PLEKHA8: variants seen among roughly 807,000 people sequenced by gnomAD.
The protein encoded by PLEKHA8 is pleckstrin homology domain-containing family A member 8.
In PLEKHA8, 36 loss-of-function variants were observed where a neutral mutation model predicts 68.2. The ratio of observed to expected loss-of-function variants is 0.53; its 90% CI spans 0.40 to 0.70. The LOEUF is 0.70. Among genes scored for constraint, PLEKHA8 ranks in the 30% least tolerant of loss-of-function variants. The pLI is 0.00. For synonymous variants in PLEKHA8, 211 were observed against 216.1 expected (o/e 0.98, Z 0.20); for missense variants, 505 against 615.4 (o/e 0.82, Z 1.90).
exon 13 of PLEKHA8, chr7:30,090,276 TC>T (rs1795362362): frequency 2.1e-6 from 3 of 1,402,974 alleles, no homozygotes; most frequent in Non-Finnish European, 2.9e-6. Flanking sequence ...ACCTCAAACT[TC>T]CTTTCCACAA....
downstream of PLEKHA8, among the ~76,000 whole-genome samples, chr7:30,095,593 A>C (rs997324612): frequency 1.8e-4 from 27 of 152,318 alleles, no homozygotes; most frequent in African/African-American, 5.1e-4. Context: ...ACATGAAGTC[A>C]TGGCCCATGC....
chr7:30,082,323 C>T lies in PLEKHA8; in HGVS notation c.*3536C>T. The T allele has an allele frequency of 1.0e-6, 1 of 985,534 alleles. No homozygotes were observed. Among genetic ancestry groups the T allele is most frequent in the Non-Finnish European group, 1.2e-6 (1 of 830,034 alleles). 61.0% of individuals were successfully genotyped at this position (985,534 alleles called of 1,614,324 possible). A position where few individuals can be genotyped will look rare whatever the true frequency, so the allele number is the denominator to read the frequency against. ...TACCGCCATCAGCACACCAAATCTA[C>T]CCCCACTTATGTTTGTTCTGCCCCA... On this transcript the variant is annotated 3_prime_UTR_variant, in exon 14 of 14. Coordinates refer to ENST00000449726, the MANE Select transcript of PLEKHA8 (RefSeq NM_001197026.2).
downstream of PLEKHA8, among the ~76,000 whole-genome samples, chr7:30,087,600 CCTG>C (rs1203082860): frequency 3.3e-5 from 5 of 152,200 alleles, no homozygotes; most frequent in Admixed American, 3.3e-4. Flanking sequence ...GTCAGCAAGG[CCTG>C]CCTCAGCCTC....
At chr7:30,101,383 G>A (rs1795847518) in intron 13 of PLEKHA8, among the ~76,000 whole-genome samples, 1 of 152,128 alleles carries the variant, frequency 6.6e-6, no homozygotes, top group African/African-American at 2.4e-5. Context: ...CAGTTGTGGT[G>A]GCTGGGAAGT....
intron 13 of PLEKHA8, chr7:30,117,833 T>C (rs1796615250): frequency 9.9e-6 from 5 of 507,018 alleles, no homozygotes; most frequent in Admixed American, 4.0e-5. Flanking sequence ...ACAAAGCTTA[T>C]GTTGCCAACA....
rs1056351609 is a variant in PLEKHA8, at chr7:30,084,480, C to A, written c.*5693C>A. On this transcript the variant is annotated 3_prime_UTR_variant, in exon 14 of 14. Transcript: ENST00000449726. ...TATGTTGGAGCCTCTTGGGACCAAC[C>A]GATGAGCGACAGTTTCATGTTTAGA... is the stretch of plus-strand genomic sequence containing the variant. 1.0e-6 allele frequency: 1 copy of A among 985,000 alleles called. No individual in the cohort carries two copies. The highest frequency in any genetic ancestry group is 6.2e-5 in the Admixed American group (1 of 16,240). 61.0% of individuals were successfully genotyped at this position (985,000 alleles called of 1,614,324 possible). A position where few individuals can be genotyped will look rare whatever the true frequency, so the allele number is the denominator to read the frequency against.
rs1792717202 is a variant in PLEKHA8 at position 30,054,927 on chromosome 7, T to C, written c.953+62T>C. On this transcript the variant is annotated intron_variant, in intron 8 of 13. Coordinates refer to ENST00000449726, the MANE Select transcript of PLEKHA8 (RefSeq NM_001197026.2). The stretch of plus-strand genomic sequence containing the variant: ...ACTAACTTCCATTCTGGAAAATCAG[T>C]CATGGTGTTCCTTTCAGGTGATGGC... 2.1e-6 allele frequency: 3 copies of C among 1,457,362 alleles called. No individual in the cohort carries two copies. The Admixed American group carries it at 5.9e-5, about 29-fold the overall frequency. 90.3% of individuals were successfully genotyped at this position (1,457,362 alleles called of 1,614,324 possible).
chr7:30,080,942 G>C lies in PLEKHA8; in HGVS notation c.*2155G>C. 2.0e-6 allele frequency: 2 copies of C among 985,384 alleles called. No homozygotes were observed. The highest frequency in any genetic ancestry group is 2.4e-6 in the Non-Finnish European group (2 of 829,908). 61.0% of individuals were successfully genotyped at this position (985,384 alleles called of 1,614,324 possible). ...CAGGTGGTTGTTAGAATTGTGCAGT[G>C]TGATCATTCTAAACAGCTGCTGGTG... On this transcript the variant is annotated 3_prime_UTR_variant, in exon 14 of 14. Coordinates refer to ENST00000449726, the MANE Select transcript of PLEKHA8 (RefSeq NM_001197026.2).
At chr7:30,049,438 T>C in intron 5 of PLEKHA8, 56 bp downstream of exon 5, 2 of 1,583,822 alleles carry the variant, frequency 1.3e-6, no homozygotes, top group Non-Finnish European at 1.7e-6. Flanking sequence ...TTTCAAAGTT[T>C]ATAGTGAGTT....
chr7:30,066,423 C>A (rs1370690254), intron 12 of PLEKHA8, among the ~76,000 whole-genome samples: 2 of 152,178 alleles, frequency 1.3e-5, no homozygotes, highest in Non-Finnish European at 2.9e-5. Context: ...CTTTACACTG[C>A]CCCTTTTTGC....
chr7:30,115,984 G>A (rs1403482145), intron 13 of PLEKHA8: 1 of 136,370 alleles, frequency 7.3e-6, no homozygotes, highest in African/African-American at 2.6e-5. Flanking sequence ...ATGCATGCAT[G>A]TATGCATACG....
intron 12 of PLEKHA8, among the ~76,000 whole-genome samples, chr7:30,071,461 A>G (rs1794233902): frequency 6.6e-6 from 1 of 151,908 alleles, no homozygotes; most frequent in Non-Finnish European, 1.5e-5. Context: ...CACACGCCTC[A>G]CCCCCAACCC....
chr7:30,082,130 C>T lies in PLEKHA8; in HGVS notation c.*3343C>T. 1.0e-6 allele frequency: 1 copy of T among 985,338 alleles called. No individual in the cohort carries two copies. The highest frequency in any genetic ancestry group is 1.2e-6 in the Non-Finnish European group (1 of 829,906). 61.0% of individuals were successfully genotyped at this position (985,338 alleles called of 1,614,324 possible). ...GACATTGACTTCGAAGGGTAGTTCT[C>T]ATTAGGATGTATAAGTAGTGGCTTG... On this transcript the variant is annotated 3_prime_UTR_variant, in exon 14 of 14. Coordinates refer to ENST00000449726, the MANE Select transcript of PLEKHA8 (RefSeq NM_001197026.2).
intron 13 of PLEKHA8, among the ~76,000 whole-genome samples, chr7:30,123,305 A>G (rs894028507): frequency 2.6e-5 from 4 of 152,276 alleles, no homozygotes; most frequent in Admixed American, 2.6e-4. Flanking sequence ...TAGTAGGATT[A>G]AAACTAAACC....
At chr7:30,052,446 G>A (rs1341811921) in intron 6 of PLEKHA8, among the ~76,000 whole-genome samples, 3 of 152,076 alleles carry the variant, frequency 2.0e-5, no homozygotes, top group Non-Finnish European at 4.4e-5. Context: ...AGACCAACCT[G>A]GGCAACATAG....
downstream of PLEKHA8, among the ~76,000 whole-genome samples, chr7:30,093,389 G>A (rs1795489126): frequency 6.6e-6 from 1 of 152,204 alleles, no homozygotes; most frequent in Non-Finnish European, 1.5e-5. Flanking sequence ...TCTTGCTCAA[G>A]GTGGGTGAGA....
chr7:30,046,127 T>C (rs555307560), intron 2 of PLEKHA8, 83 bp from the exon 3 acceptor site: 43 of 1,329,618 alleles, frequency 3.2e-5, no homozygotes, highest in Non-Finnish European at 3.8e-5. Flanking sequence ...CTGCCATCAA[T>C]TAAGCTCAAG....
intron 13 of PLEKHA8, among the ~76,000 whole-genome samples, chr7:30,116,552 G>A (rs1796571584): frequency 2.0e-5 from 3 of 151,996 alleles, no homozygotes; most frequent in Admixed American, 2.0e-4. Flanking sequence ...TCTGCACCTA[G>A]CAACCTAGAA....
At chr7:30,059,390 G>A (rs903937438) in intron 9 of PLEKHA8, among the ~76,000 whole-genome samples, 71 of 152,102 alleles carry the variant, frequency 4.7e-4, no homozygotes, top group African/African-American at 1.6e-3. Context: ...TTCATAAAAT[G>A]CTTTTTCTGT....
Sources: allele counts gnomAD v4.1 joint callset (sites outside exome capture counted in the v4.1 genomes callset), GRCh38; gene constraint gnomAD v4.1.1; transcripts MANE v1.5; gene names NCBI Gene and HGNC (gene_info 2026-07-23, HGNC 2026-07-21).